Variants in CRPPA observed in about 807,000 individuals in gnomAD.
CRPPA encodes the protein CDP-L-ribitol pyrophosphorylase A, also known as D-ribitol-5-phosphate cytidylyltransferase.
A neutral mutation model predicts 52.0 loss-of-function variants in CRPPA; 43 were observed. The observed-to-expected ratio is 0.83, with a 90% CI of 0.65 to 1.07. The LOEUF (loss-of-function observed/expected upper bound fraction) is 1.07. Ranked by LOEUF, CRPPA falls within the 50% of genes least tolerant of loss-of-function variation. CRPPA has a pLI of 0.00. For synonymous variants in CRPPA, 250 were observed against 203.5 expected (o/e 1.23, Z -1.94); for missense variants, 629 against 551.7 (o/e 1.14, Z -1.40).
chr7:16,190,456 C>T (rs1238016835), intron 9 of CRPPA, among the ~76,000 whole-genome samples: 2 of 152,144 alleles, frequency 1.3e-5, no homozygotes, highest in Non-Finnish European at 2.9e-5. Flanking sequence ...TAACAATACG[C>T]ATTCATCAAT....
intron 9 of CRPPA, among the ~76,000 whole-genome samples, chr7:16,212,043 C>A (rs1419223486): frequency 1.3e-5 from 2 of 152,120 alleles, no homozygotes; most frequent in South Asian, 4.1e-4. Context: ...TCTCACAAAT[C>A]TTTTACAAAT....
At chr7:16,188,667 G>C (rs1448394706) in intron 9 of CRPPA, among the ~76,000 whole-genome samples, 1 of 152,084 alleles carries the variant, frequency 6.6e-6, no homozygotes, top group Non-Finnish European at 1.5e-5. Context: ...ACCTAGAGAA[G>C]TCAGTTCATT....
chr7:16,124,068 A>G (rs1375492872), intron 9 of CRPPA, among the ~76,000 whole-genome samples: 1 of 150,724 alleles, frequency 6.6e-6, no homozygotes, highest in African/African-American at 2.4e-5. Flanking sequence ...ATAAATAACC[A>G]GTAGTTGGAT....
chr7:16,301,078 G>C (rs1159494581), intron 5 of CRPPA, among the ~76,000 whole-genome samples: 3 of 152,176 alleles, frequency 2.0e-5, no homozygotes, highest in Non-Finnish European at 4.4e-5. Flanking sequence ...CTGTTAAGGG[G>C]AGAGGGCAGT....
chr7:16,377,118 AAGAT>A (rs1272414669), intron 2 of CRPPA, among the ~76,000 whole-genome samples: 1 of 152,212 alleles, frequency 6.6e-6, no homozygotes, highest in African/African-American at 2.4e-5. Flanking sequence ...ACATCTGAAC[AAGAT>A]AGATAGTCCA....
intron 8 of CRPPA, among the ~76,000 whole-genome samples, chr7:16,218,336 C>G (rs1207758517): frequency 1.1e-4 from 15 of 132,578 alleles, no homozygotes; most frequent in African/African-American, 4.0e-4. Flanking sequence ...GCTGCAAAAT[C>G]ATGCCAAAAT....
chr7:16,312,178 G>C (rs550379538), intron 3 of CRPPA, among the ~76,000 whole-genome samples: 1 of 151,892 alleles, frequency 6.6e-6, no homozygotes, highest in Admixed American at 6.6e-5. Flanking sequence ...AATTTTGATT[G>C]GGATTGCATC....
At chr7:16,343,685 T>C (rs573966581) in intron 3 of CRPPA, among the ~76,000 whole-genome samples, 3 of 152,110 alleles carry the variant, frequency 2.0e-5, no homozygotes, top group African/African-American at 7.2e-5. Context: ...AAAAGGAAAA[T>C]CTGGGGAATG....
In CRPPA at chr7:16,387,047, A is replaced by G. The variant is rs1031115641; in HGVS notation, c.535-10806T>C. ...TTTTAATTTAAAATAAAAAAAAGAT[A>G]TATATATATATATATATATATATAT... On this transcript the variant is annotated intron_variant, in intron 2 of 9. Coordinates refer to ENST00000407010, the MANE Select transcript of CRPPA (RefSeq NM_001101426.4). Among the ~76,000 whole-genome samples, 13 of 6,862 alleles carry G rather than the reference A, an allele frequency of 1.9e-3. 1 individual carries two copies. Among genetic ancestry groups the G allele is most frequent in the Admixed American group, 0.014 (9 of 660 alleles). 4.5% of individuals were successfully genotyped at this position (6,862 alleles called of 152,430 possible).
chr7:16,397,212 G>A (rs73306498), intron 2 of CRPPA, among the ~76,000 whole-genome samples: 10,987 of 152,276 alleles, frequency 0.072, 485 homozygotes, highest in Admixed American at 0.12. Flanking sequence ...TGACACGACT[G>A]ACACGTATGT....
intron 2 of CRPPA, among the ~76,000 whole-genome samples, chr7:16,382,700 C>A (rs1341692356): frequency 6.6e-6 from 1 of 151,922 alleles, no homozygotes; most frequent in East Asian, 1.9e-4. Context: ...TCTTTTTATT[C>A]TTTTTTCTCT....
intron 9 of CRPPA, among the ~76,000 whole-genome samples, chr7:16,114,249 T>C (rs1782323538): frequency 1.3e-5 from 2 of 151,202 alleles, no homozygotes; most frequent in African/African-American, 4.9e-5. Context: ...TCTGAATACT[T>C]TCTCCAAAAA....
chr7:16,305,370 C>G (rs1428197581), intron 4 of CRPPA, among the ~76,000 whole-genome samples: 2 of 152,164 alleles, frequency 1.3e-5, no homozygotes, highest in African/African-American at 4.8e-5. Flanking sequence ...CAATCCAGAG[C>G]ACGACAGGAC....
At chr7:16,287,208 T>G (rs1445741215) in intron 5 of CRPPA, among the ~76,000 whole-genome samples, 1 of 152,210 alleles carries the variant, frequency 6.6e-6, no homozygotes, top group Non-Finnish European at 1.5e-5. Flanking sequence ...AATTGTCAAC[T>G]TTAAGATTTC....
chr7:16,233,322 A>T (rs965524234), intron 8 of CRPPA, among the ~76,000 whole-genome samples: 1 of 152,140 alleles, frequency 6.6e-6, no homozygotes, highest in East Asian at 1.9e-4. Context: ...TTAAAACCAC[A>T]TATCAACACA....
chr7:16,269,769 C>T (rs1007739446), intron 6 of CRPPA: 2 of 152,134 alleles, frequency 1.3e-5, no homozygotes, highest in Non-Finnish European at 2.9e-5. Context: ...GAATAACCTA[C>T]TCTGTGGCAT....
chr7:16,128,735 T>C (rs111467753), intron 9 of CRPPA, among the ~76,000 whole-genome samples: 39 of 152,234 alleles, frequency 2.6e-4, no homozygotes, highest in African/African-American at 9.1e-4. Flanking sequence ...ACCACTTCAG[T>C]AGAATTCTGT....
intron 3 of CRPPA, among the ~76,000 whole-genome samples, chr7:16,368,455 T>C (rs564097591): frequency 2.6e-5 from 4 of 152,312 alleles, no homozygotes; most frequent in Middle Eastern, 3.4e-3. Flanking sequence ...CACATACGAA[T>C]TTATGTATCT....
At position 16,089,236 on chromosome 7, in the gene CRPPA, G is replaced by A. The variant is rs538655524; in HGVS notation, c.*2459C>T. 8.2e-4 allele frequency: 310 copies of A among 376,346 alleles called. No individual in the cohort carries two copies. The highest frequency in any genetic ancestry group is 1.5e-3 in the Admixed American group (61 of 40,138). The allele number at this position is 376,346 out of a possible 1,614,324, so 23.3% of individuals were successfully genotyped here. A position where few individuals can be genotyped will look rare whatever the true frequency, so the allele number is the denominator to read the frequency against. ...TATACATATATGTGTGTATGCGTAC[G>A]TATATACATATATGTGTGTATGCGT... On this transcript the variant is annotated 3_prime_UTR_variant, in exon 10 of 10. Coordinates refer to ENST00000407010, the MANE Select transcript of CRPPA (RefSeq NM_001101426.4).
Sources: gnomAD v4.1 joint callset for allele counts (sites outside exome capture counted in the v4.1 genomes callset) on GRCh38, gnomAD v4.1.1 for gene constraint, MANE v1.5 for transcripts, NCBI Gene and HGNC (gene_info 2026-07-23, HGNC 2026-07-21) for gene names.